The following RANBP2 variants were observed in gnomAD, a reference collection of about 807,000 sequenced individuals.
RANBP2 encodes RAN binding protein 2.
In RANBP2, 57 loss-of-function variants were observed where a neutral mutation model predicts 303.6. The ratio of observed to expected loss-of-function variants is 0.19; its 90% CI spans 0.15 to 0.23. The LOEUF (loss-of-function observed/expected upper bound fraction) is 0.23, where lower values mean the gene tolerates loss of function less well. Ranked by LOEUF, RANBP2 falls within the 10% of genes least tolerant of loss-of-function variation. RANBP2 has a pLI of 1.00. For synonymous variants in RANBP2, 1,167 were observed against 1,301.5 expected, an observed-to-expected ratio of 0.90 and a Z score of 2.23; for missense variants, 3,138 against 3,780.8, an observed-to-expected ratio of 0.83 and a Z score of 4.46.
chr2:108,739,152 C>T (rs1695863067), intron 6 of RANBP2, among the ~76,000 whole-genome samples: 1 of 151,932 alleles, frequency 6.6e-6, no homozygotes, highest in Non-Finnish European at 1.5e-5. Context: ...CCTGTAATCC[C>T]AGCACTTTGG....
intron 1 of RANBP2, among the ~76,000 whole-genome samples, chr2:108,728,173 G>A (rs1368133489): frequency 6.6e-6 from 1 of 152,200 alleles, no homozygotes; most frequent in African/African-American, 2.4e-5. Context: ...CCCAAAGAAA[G>A]CTGGTTTCTT....
At chr2:109,490,268 T>G in the RANBP2 span, among the ~76,000 whole-genome samples, 1 of 151,834 alleles carries the variant, frequency 6.6e-6, no homozygotes, top group Admixed American at 6.6e-5. Flanking sequence ...GCTTACTGCT[T>G]GACTCCGGAG....
At chr2:109,462,015 A>C in the RANBP2 span, among the ~76,000 whole-genome samples, 29 of 152,050 alleles carry the variant, frequency 1.9e-4, no homozygotes, top group Admixed American at 5.2e-4. Flanking sequence ...GTGTGCCCCC[A>C]CACCACCAAA....
the RANBP2 span, among the ~76,000 whole-genome samples, chr2:109,569,054 AGTTT>A: frequency 2.0e-5 from 3 of 152,198 alleles, no homozygotes; most frequent in Non-Finnish European, 4.4e-5. Context: ...TAAGTTTTTT[AGTTT>A]GTTTTTCATC....
chr2:109,071,811 G>C, the RANBP2 span, among the ~76,000 whole-genome samples: 1 of 152,156 alleles, frequency 6.6e-6, no homozygotes, highest in Admixed American at 6.6e-5. Flanking sequence ...CACAATAATA[G>C]ATGAAATAAC....
chr2:108,729,771 A>G (rs1695022497), intron 2 of RANBP2, among the ~76,000 whole-genome samples: 1 of 149,066 alleles, frequency 6.7e-6, no homozygotes, highest in African/African-American at 2.5e-5. Flanking sequence ...GCTGGAGTGC[A>G]GCAGCTGGCT....
At chr2:109,350,123 T>A in the RANBP2 span, among the ~76,000 whole-genome samples, 2 of 152,354 alleles carry the variant, frequency 1.3e-5, no homozygotes, top group South Asian at 2.1e-4. Flanking sequence ...GTTCCATATT[T>A]CACAAGAAAC....
the RANBP2 span, among the ~76,000 whole-genome samples, chr2:108,810,275 G>T: frequency 6.6e-6 from 1 of 152,136 alleles, no homozygotes; most frequent in Non-Finnish European, 1.5e-5. Flanking sequence ...TGTTAATTGT[G>T]TGTTTGTTAT....
At chr2:108,901,355 CAG>C in the RANBP2 span, among the ~76,000 whole-genome samples, 18 of 152,104 alleles carry the variant, frequency 1.2e-4, no homozygotes, top group African/African-American at 4.3e-4. Context: ...ATTTATAGGA[CAG>C]ATACATACAA....
the RANBP2 span, among the ~76,000 whole-genome samples, chr2:109,364,831 C>T: frequency 6.6e-6 from 1 of 152,162 alleles, no homozygotes; most frequent in Non-Finnish European, 1.5e-5. Context: ...TGGCTCACCC[C>T]TGTACTCTCA....
the RANBP2 span, among the ~76,000 whole-genome samples, chr2:109,167,964 T>C: frequency 5.0e-3 from 758 of 152,286 alleles, 3 homozygotes; most frequent in Non-Finnish European, 8.0e-3. Context: ...TAGAGAAACA[T>C]TTATTAAATG....
At chr2:108,754,081 A>G (rs1484781208) in intron 15 of RANBP2, 110 bp downstream of exon 15, 9 of 1,605,836 alleles carry the variant, frequency 5.6e-6, no homozygotes, top group East Asian at 2.2e-5. Context: ...ATATGTTGTT[A>G]TTAATGCACA....
chr2:109,713,503 C>A, the RANBP2 span, among the ~76,000 whole-genome samples: 1 of 152,192 alleles, frequency 6.6e-6, no homozygotes, highest in Non-Finnish European at 1.5e-5. Context: ...TCTCAGCGCT[C>A]CAGCTTCTTC....
At chr2:108,773,494 C>G (rs1677654999) in intron 23 of RANBP2, among the ~76,000 whole-genome samples, 1 of 151,930 alleles carries the variant, frequency 6.6e-6, no homozygotes, top group Admixed American at 6.6e-5. Flanking sequence ...GGCTATATGC[C>G]AAAAGCTACA....
At chr2:109,046,391 TTTTTCTTTTCTTTTC>T in the RANBP2 span, among the ~76,000 whole-genome samples, 1 of 150,804 alleles carries the variant, frequency 6.6e-6, no homozygotes, top group South Asian at 2.1e-4. Flanking sequence ...AAACTTACTT[TTTTTCTTTTCTTTTC>T]TTTTCTTTTT....
chr2:109,602,650 G>A, the RANBP2 span, among the ~76,000 whole-genome samples: 4 of 149,782 alleles, frequency 2.7e-5, no homozygotes, highest in African/African-American at 9.8e-5. Context: ...ACTCCAGCCT[G>A]GGCAACAAAA....
the RANBP2 span, among the ~76,000 whole-genome samples, chr2:109,626,800 A>T: frequency 6.6e-6 from 1 of 152,228 alleles, no homozygotes; most frequent in African/African-American, 2.4e-5. Flanking sequence ...AGTAAAGTGC[A>T]GGCTGTTTTT....
the RANBP2 span, among the ~76,000 whole-genome samples, chr2:109,086,005 C>T: frequency 1.3e-5 from 2 of 152,212 alleles, no homozygotes; most frequent in South Asian, 4.1e-4. Flanking sequence ...CTAGGGAGTT[C>T]ATATTAGTGG....
At chr2:109,029,937 A>AC in the RANBP2 span, among the ~76,000 whole-genome samples, 1 of 152,196 alleles carries the variant, frequency 6.6e-6, no homozygotes, top group Non-Finnish European at 1.5e-5. Context: ...AACCCTCTTG[A>AC]CTTGACAAGG....
Sources: gnomAD v4.1 joint callset for allele counts (sites outside exome capture counted in the v4.1 genomes callset) on GRCh38, gnomAD v4.1.1 for gene constraint, MANE v1.5 for transcripts, NCBI Gene and HGNC (gene_info 2026-07-23, HGNC 2026-07-21) for gene names.